The following UBE2W variants were observed in gnomAD, a reference collection of about 807,000 sequenced individuals.
UBE2W encodes the protein ubiquitin conjugating enzyme E2 W, also known as ubiquitin-conjugating enzyme E2 W.
In UBE2W, 18 loss-of-function variants were observed where a neutral mutation model predicts 27.2. That is an observed-to-expected ratio of 0.66 (90% CI 0.46 to 0.98). UBE2W has a LOEUF of 0.98. UBE2W is among the 50% of genes least tolerant of loss of function. The pLI, the probability that UBE2W is intolerant of heterozygous loss-of-function variation, is 0.00. For missense variants in UBE2W, 90 were observed against 180.2 expected, an observed-to-expected ratio of 0.50 and a Z score of 2.87; for synonymous variants, 53 against 57.2, an observed-to-expected ratio of 0.93 and a Z score of 0.33.
downstream of UBE2W, among the ~76,000 whole-genome samples, chr8:73,781,623 T>G (rs567855985): frequency 2.3e-4 from 31 of 136,108 alleles, no homozygotes; most frequent in Middle Eastern, 3.5e-3. Flanking sequence ...GTTTGGGTTT[T>G]TTTTTTTTTT....
chr8:73,805,472 C>CAAACAAAA (rs1254739442), intron 5 of UBE2W, among the ~76,000 whole-genome samples, 179 bp downstream of exon 5: 24 of 43,694 alleles, frequency 5.5e-4, no homozygotes, highest in East Asian at 1.1e-3. Context: ...AAAAAAAAAA[C>CAAACAAAA]AAAAAAAACT....
At chr8:73,845,566 T>C (rs893679085) in intron 1 of UBE2W, among the ~76,000 whole-genome samples, 4 of 152,060 alleles carry the variant, frequency 2.6e-5, no homozygotes, top group African/African-American at 9.7e-5. Context: ...GACACAAACA[T>C]TGCGGAAGGC....
chr8:73,814,599 A>G (rs1215598904), intron 3 of UBE2W, among the ~76,000 whole-genome samples: 2 of 152,128 alleles, frequency 1.3e-5, no homozygotes, highest in Non-Finnish European at 2.9e-5. Context: ...GCTCACTGCA[A>G]GCTCCATCTC....
intron 1 of UBE2W, chr8:73,831,185 A>G: frequency 2.2e-6 from 1 of 452,464 alleles, no homozygotes; most frequent in Non-Finnish European, 4.1e-6. Context: ...GCACAGCCAA[A>G]TGGGTGGCTT....
intron 5 of UBE2W, among the ~76,000 whole-genome samples, 177 bp downstream of exon 5, chr8:73,805,474 A>AAAAAAAAAAAAAAAAAC (rs1563578043): frequency 6.9e-6 from 1 of 144,332 alleles, no homozygotes; most frequent in Non-Finnish European, 1.5e-5. Flanking sequence ...AAAAAAAACA[A>AAAAAAAAAAAAAAAAAC]AAAAAACTAG....
rs554738533 is a variant in UBE2W at position 73,860,408 on chromosome 8, C to T, written c.15+18400G>A. 1.9e-4 allele frequency among the ~76,000 whole-genome samples: 29 copies of T among 152,188 alleles called. No individual in the cohort carries two copies. The South Asian group carries it at 6.0e-3, about 32-fold the overall frequency. Reference sequence around the variant, plus strand: ...AACTGTGTTTTCCTATCACTTCTGGCCTATTTTGAAAACAGTACTATTTAT... The same window carrying T: ...AACTGTGTTTTCCTATCACTTCTGGTCTATTTTGAAAACAGTACTATTTAT... On this transcript the variant is annotated intron_variant, in intron 1 of 5. Transcript: ENST00000602593.
At chr8:73,863,579 AAAAAAAAAAAAG>A (rs1811617719) in intron 1 of UBE2W, among the ~76,000 whole-genome samples, 1 of 92,654 alleles carries the variant, frequency 1.1e-5, no homozygotes, top group Non-Finnish European at 2.1e-5. Context: ...AAAGTATAAT[AAAAAAAAAAAAG>A]AAAAAAAAAT....
chr8:73,870,784 C>T (rs1220361591), intron 1 of UBE2W, among the ~76,000 whole-genome samples: 1 of 141,510 alleles, frequency 7.1e-6, no homozygotes, highest in Non-Finnish European at 1.5e-5. Context: ...TCAGGAAGGG[C>T]TCTCTTAAAA....
intron 5 of UBE2W, among the ~76,000 whole-genome samples, 180 bp downstream of exon 5, chr8:73,805,471 A>C (rs76944730): frequency 8.1e-5 from 10 of 124,112 alleles, no homozygotes; most frequent in African/African-American, 1.7e-4. Flanking sequence ...AAAAAAAAAA[A>C]CAAAAAAAAC....
In UBE2W at chr8:73,792,509, T is replaced by C. The variant is rs1808245911; in HGVS notation, c.*1593A>G. ...ATACAGATTAAAAACAATTTTAAAA[T>C]ATTATTTACCAATTATTGATTGAAT... On this transcript the variant is annotated 3_prime_UTR_variant, in exon 6 of 6. Transcript: ENST00000602593. The C allele has an allele frequency of 1.7e-5, 17 of 985,348 alleles. No individual in the cohort carries two copies. The highest frequency in any genetic ancestry group is 2.0e-5 in the Non-Finnish European group (17 of 829,454). 61.0% of individuals were successfully genotyped at this position (985,348 alleles called of 1,614,324 possible). A position where few individuals can be genotyped will look rare whatever the true frequency, so the allele number is the denominator to read the frequency against.
chr8:73,799,320 G>A (rs1244094607), intron 5 of UBE2W, among the ~76,000 whole-genome samples: 2 of 151,936 alleles, frequency 1.3e-5, no homozygotes, highest in Non-Finnish European at 2.9e-5. Flanking sequence ...ATTCTTAAGG[G>A]ATTCTAACTA....
chr8:73,828,811 AATT>A (rs1809957003), intron 2 of UBE2W, among the ~76,000 whole-genome samples: 1 of 152,102 alleles, frequency 6.6e-6, no homozygotes, highest in South Asian at 2.1e-4. Flanking sequence ...ATGCACAATA[AATT>A]ATTGTTGACT....
At chr8:73,875,239 GT>G (rs1370854479) in intron 1 of UBE2W, among the ~76,000 whole-genome samples, 1 of 152,116 alleles carries the variant, frequency 6.6e-6, no homozygotes, top group Non-Finnish European at 1.5e-5. Context: ...GGAGTAGAGC[GT>G]CCCCAGCATT....
At chr8:73,831,848 GC>G (rs1810079073) in intron 1 of UBE2W, 1 of 151,880 alleles carries the variant, frequency 6.6e-6, no homozygotes, top group Non-Finnish European at 1.5e-5. Flanking sequence ...CACTGTGCCA[GC>G]CCTGATTTGC....
chr8:73,787,829 C>CT lies in UBE2W; in HGVS notation c.*6272dup, dbSNP rs1291089898. On this transcript the variant is annotated 3_prime_UTR_variant, in exon 6 of 6. Coordinates refer to ENST00000602593, the MANE Select transcript of UBE2W (RefSeq NM_018299.6). ...CAGGAACATCGGACTCACGATAACT[C>CT]TAAGCAAGTGCCTGGGTCTCCATTT... 8.1e-6 allele frequency: 8 copies of CT among 985,416 alleles called. No individual in the cohort carries two copies. The African/African-American group carries it at 1.4e-4, about 17-fold the overall frequency. The allele number at this position is 985,416 out of a possible 1,614,324, so 61.0% of individuals were successfully genotyped here.
chr8:73,830,051 T>C (rs1810008634), intron 2 of UBE2W, among the ~76,000 whole-genome samples: 1 of 151,986 alleles, frequency 6.6e-6, no homozygotes, highest in Non-Finnish European at 1.5e-5. Flanking sequence ...ATATTTTTAA[T>C]TTGATAAAAC....
At chr8:73,784,700 G>C (rs1185669834), downstream of UBE2W, among the ~76,000 whole-genome samples, 1 of 152,006 alleles carries the variant, frequency 6.6e-6, no homozygotes, top group African/African-American at 2.4e-5. Flanking sequence ...TCTGAATGAT[G>C]GCTGGTTTAC....
intron 1 of UBE2W, among the ~76,000 whole-genome samples, chr8:73,847,776 C>T (rs2130941814): frequency 6.6e-6 from 1 of 152,152 alleles, no homozygotes; most frequent in Non-Finnish European, 1.5e-5. Flanking sequence ...GTGGCAGGCA[C>T]CTGTAATCCC....
intron 3 of UBE2W, among the ~76,000 whole-genome samples, chr8:73,824,668 A>T (rs1809756470): frequency 6.6e-6 from 1 of 152,190 alleles, no homozygotes; most frequent in Non-Finnish European, 1.5e-5. Context: ...TCAGATCATC[A>T]GGCATTAGAT....
Sources: allele counts gnomAD v4.1 joint callset (sites outside exome capture counted in the v4.1 genomes callset), GRCh38; gene constraint gnomAD v4.1.1; transcripts MANE v1.5; gene names NCBI Gene and HGNC (gene_info 2026-07-23, HGNC 2026-07-21).